AAK1: variants seen among roughly 807,000 people sequenced by gnomAD.
AAK1 encodes the protein AP2-associated protein kinase 1.
In AAK1, 37 loss-of-function variants were observed where a neutral mutation model predicts 116.0. That is an observed-to-expected ratio of 0.32 (90% confidence interval 0.25 to 0.42). The LOEUF is 0.42. Ranked by LOEUF, AAK1 falls within the 10% of genes least tolerant of loss-of-function variation. The pLI is 1.00. For synonymous variants in AAK1, 458 were observed against 439.9 expected, an observed-to-expected ratio of 1.04 and a Z score of -0.51; for missense variants, 919 against 1,170.6, an observed-to-expected ratio of 0.79 and a Z score of 3.14.
intron 2 of AAK1, 76 bp downstream of exon 2, chr2:69,642,796 TCATACA>T: frequency 6.3e-7 from 1 of 1,584,682 alleles, no homozygotes; most frequent in Non-Finnish European, 8.6e-7. Flanking sequence ...CAAAGCCCAT[TCATACA>T]TGCAACAACT....
intron 3 of AAK1, among the ~76,000 whole-genome samples, chr2:69,546,004 G>A (rs1295133332): frequency 6.6e-6 from 1 of 152,042 alleles, no homozygotes. Flanking sequence ...AGAGCTTTAA[G>A]ATACAGGACA....
chr2:69,520,897 G>C lies in AAK1; in HGVS notation c.1147C>G (p.Pro383Ala). ...CGGGGTGTCAGCGCTGGCTGGATGG[G>C]AAGGATTCCTGGGTTCGGCTGAGTC... ...GQTQPNPGILPIQPALTPRKR... is the reference protein window; with the variant it reads ...GQTQPNPGILAIQPALTPRKR... Residue 383 changes from proline to alanine, a missense_variant, in exon 11 of 22, where the codon CCC (proline) becomes GCC (alanine). Transcript: ENST00000409085. The C allele has an allele frequency of 2.5e-6, 4 of 1,608,354 alleles. No individual in the cohort carries two copies. Among genetic ancestry groups the C allele is most frequent in the Non-Finnish European group, 2.5e-6 (3 of 1,177,106 alleles).
Position 69,469,589 on chromosome 2 carries a change from A to C in AAK1, c.*6280T>G, listed in dbSNP as rs1236799302. The C allele has an allele frequency of 1.0e-6, 1 of 985,340 alleles. No homozygotes were observed. Among genetic ancestry groups the C allele is most frequent in the Non-Finnish European group, 1.2e-6 (1 of 829,954 alleles). The allele number at this position is 985,340 out of a possible 1,614,324, so 61.0% of individuals were successfully genotyped here. On this transcript the variant is annotated 3_prime_UTR_variant, in exon 22 of 22. Coordinates refer to ENST00000409085, the MANE Select transcript of AAK1 (RefSeq NM_014911.5). The stretch of plus-strand genomic sequence containing the variant: ...GGTAACCAATGGCACGTCATAGCAG[A>C]TACCCTGTGGCCATAGAGCTCAGTA...
rs896921090 is a variant in AAK1 at position 69,475,113 on chromosome 2, C to T, written c.*756G>A. ...ATACTTGGGATTTATATAACGTACA[C>T]ATTGTATCCAAGGATCTCAAATACT... On this transcript the variant is annotated 3_prime_UTR_variant, in exon 22 of 22. Coordinates refer to ENST00000409085, the MANE Select transcript of AAK1 (RefSeq NM_014911.5). 21 of 985,696 alleles carry T rather than the reference C, an allele frequency of 2.1e-5. No individual in the cohort carries two copies. In the South Asian group the frequency reaches 8.5e-4, roughly 40 times the overall value. The allele number at this position is 985,696 out of a possible 1,614,324, so 61.1% of individuals were successfully genotyped here. A position where few individuals can be genotyped will look rare whatever the true frequency, so the allele number is the denominator to read the frequency against.
chr2:69,620,517 C>T (rs866569736), intron 2 of AAK1, among the ~76,000 whole-genome samples: 14 of 152,326 alleles, frequency 9.2e-5, no homozygotes, highest in African/African-American at 3.4e-4. Context: ...TCACTGTAAT[C>T]TATAATTCCG....
Position 69,459,226 on chromosome 2 carries a change from A to G in AAK1, c.*16643T>C, listed in dbSNP as rs1373170359. ...CTTCCTTCATCCTTTCTTCTAGTTC[A>G]TAATAGGGAAGGTGAGCCATTTCAT... On this transcript the variant is annotated 3_prime_UTR_variant, in exon 22 of 22. Coordinates refer to ENST00000409085, the MANE Select transcript of AAK1 (RefSeq NM_014911.5). 1.3e-5 allele frequency: 2 copies of G among 152,144 alleles called. No homozygotes were observed. Among genetic ancestry groups the G allele is most frequent in the Admixed American group, 6.6e-5 (1 of 15,264 alleles). The allele number at this position is 152,144 out of a possible 1,614,324, so 9.4% of individuals were successfully genotyped here. A position where few individuals can be genotyped will look rare whatever the true frequency, so the allele number is the denominator to read the frequency against.
At chr2:69,586,145 G>T (rs1672755065) in intron 2 of AAK1, among the ~76,000 whole-genome samples, 1 of 152,312 alleles carries the variant, frequency 6.6e-6, no homozygotes, top group African/African-American at 2.4e-5. Context: ...AGAGATCAGG[G>T]TGACCACCAG....
intron 15 of AAK1, 124 bp from the exon 16 acceptor site, chr2:69,505,797 C>T (rs143138257): frequency 5.0e-5 from 29 of 583,884 alleles, no homozygotes; most frequent in East Asian, 9.6e-5. Context: ...TGCATTATGG[C>T]GACACATTCA....
At chr2:69,569,519 T>C (rs1381668500) in intron 2 of AAK1, among the ~76,000 whole-genome samples, 1 of 152,176 alleles carries the variant, frequency 6.6e-6, no homozygotes, top group Admixed American at 6.5e-5. Flanking sequence ...CAGTGAAATG[T>C]ACAAATCTTC....
chr2:69,466,986 G>T lies in AAK1; in HGVS notation c.*8883C>A, dbSNP rs1674508050. On this transcript the variant is annotated 3_prime_UTR_variant, in exon 22 of 22. Coordinates refer to ENST00000409085, the MANE Select transcript of AAK1 (RefSeq NM_014911.5). ...TGACTCAATTCAGAATCTGGCATGT[G>T]GTCATCCGCGCCACATGCAGAGGGA... 1.0e-6 allele frequency: 1 copy of T among 985,282 alleles called. No individual in the cohort carries two copies. Among genetic ancestry groups the T allele is most frequent in the Non-Finnish European group, 1.2e-6 (1 of 829,938 alleles). The allele number at this position is 985,282 out of a possible 1,614,324, so 61.0% of individuals were successfully genotyped here. A position where few individuals can be genotyped will look rare whatever the true frequency, so the allele number is the denominator to read the frequency against.
intron 3 of AAK1, among the ~76,000 whole-genome samples, chr2:69,548,537 TCTTC>T (rs1036747433): frequency 3.3e-5 from 5 of 151,060 alleles, no homozygotes; most frequent in South Asian, 2.1e-4. Context: ...TTTCTCTCTC[TCTTC>T]CTTCCTTCCT....
At chr2:69,506,778 G>T (rs1455361541) in intron 15 of AAK1, among the ~76,000 whole-genome samples, 2 of 152,010 alleles carry the variant, frequency 1.3e-5, no homozygotes, top group East Asian at 1.9e-4. Flanking sequence ...TATCTACATT[G>T]AGAGTACTTT....
At chr2:69,519,665 G>A (rs1669675861) in intron 11 of AAK1, among the ~76,000 whole-genome samples, 1 of 152,128 alleles carries the variant, frequency 6.6e-6, no homozygotes, top group South Asian at 2.1e-4. Flanking sequence ...ATAAGTAGAT[G>A]GCCACCAAAT....
At chr2:69,583,560 G>A (rs1672633462) in intron 2 of AAK1, among the ~76,000 whole-genome samples, 1 of 152,120 alleles carries the variant, frequency 6.6e-6, no homozygotes, top group Non-Finnish European at 1.5e-5. Flanking sequence ...CTCCTTGTAT[G>A]TCTACTGTAC....
At chr2:69,516,924 G>A (rs947639112) in intron 12 of AAK1, 27 of 152,294 alleles carry the variant, frequency 1.8e-4, no homozygotes, top group African/African-American at 6.3e-4. Flanking sequence ...AGCCTAAGGA[G>A]GGTTGAACCA....
rs1030677203 is a variant in AAK1 at position 69,468,715 on chromosome 2, C to A, written c.*7154G>T. 1.0e-6 allele frequency: 1 copy of A among 985,206 alleles called. No homozygotes were observed. The highest frequency in any genetic ancestry group is 1.2e-6 in the Non-Finnish European group (1 of 829,918). The allele number at this position is 985,206 out of a possible 1,614,324, so 61.0% of individuals were successfully genotyped here. ...GGCAAAAAAGCAGCTATCTATTGAA[C>A]CAGGGGCACTTTGGATGCCTGAAGT... On this transcript the variant is annotated 3_prime_UTR_variant, in exon 22 of 22. Coordinates refer to ENST00000409085, the MANE Select transcript of AAK1 (RefSeq NM_014911.5).
At chr2:69,510,905 C>G (rs1337022702) in intron 13 of AAK1, among the ~76,000 whole-genome samples, 1 of 152,150 alleles carries the variant, frequency 6.6e-6, no homozygotes, top group Non-Finnish European at 1.5e-5. Context: ...TACAAGGACT[C>G]TTGTGATGTG....
intron 5 of AAK1, among the ~76,000 whole-genome samples, chr2:69,534,298 A>C (rs1670373218): frequency 6.6e-6 from 1 of 152,212 alleles, no homozygotes; most frequent in South Asian, 2.1e-4. Flanking sequence ...AGGATAGGCA[A>C]TTATATTCCT....
rs114412688 is a variant in AAK1, at chr2:69,572,680, G to C, written c.164-15702C>G. ...TTCTTTATCTTGATTACTGAGTCTTGAGTGCCCCTTAAATTCTGCACTTGA... is the reference window on the plus strand; with the variant it reads ...TTCTTTATCTTGATTACTGAGTCTTCAGTGCCCCTTAAATTCTGCACTTGA... On this transcript the variant is annotated intron_variant, in intron 2 of 21. Transcript: ENST00000409085. Among the ~76,000 whole-genome samples, 194 of 148,998 alleles carry C rather than the reference G, an allele frequency of 1.3e-3. 2 individuals are homozygous for C. The highest frequency in any genetic ancestry group is 4.6e-3 in the African/African-American group (187 of 40,626).
Sources: allele counts gnomAD v4.1 joint callset (sites outside exome capture counted in the v4.1 genomes callset), GRCh38; gene constraint gnomAD v4.1.1; transcripts MANE v1.5; gene names NCBI Gene and HGNC (gene_info 2026-07-23, HGNC 2026-07-21).